The following MTIF3 variants were observed in gnomAD, a reference collection of about 807,000 sequenced individuals.
MTIF3 encodes mitochondrial translational initiation factor 3, also known as translation initiation factor IF-3, mitochondrial.
MTIF3 carries 13 observed loss-of-function variants against 20.7 expected under a neutral mutation model. The ratio of observed to expected loss-of-function variants is 0.63; its 90% CI spans 0.41 to 1.00. The LOEUF (loss-of-function observed/expected upper bound fraction) is 1.00, where lower values mean the gene tolerates loss of function less well. Among genes scored for constraint, MTIF3 ranks in the 50% least tolerant of loss-of-function variants. The pLI is 0.00. For synonymous variants in MTIF3, 114 were observed against 112.5 expected, an observed-to-expected ratio of 1.01 and a Z score of -0.08; for missense variants, 295 against 324.5, an observed-to-expected ratio of 0.91 and a Z score of 0.70.
chr13:27,443,170 A>G (rs376307550), intron 2 of MTIF3, among the ~76,000 whole-genome samples: 1 of 152,214 alleles, frequency 6.6e-6, no homozygotes, highest in African/African-American at 2.4e-5. Flanking sequence ...CTCCATCCAC[A>G]GTGTATGACA....
chr13:27,440,771 A>G (rs951462668), intron 2 of MTIF3, among the ~76,000 whole-genome samples: 6 of 150,604 alleles, frequency 4.0e-5, no homozygotes, highest in Admixed American at 1.3e-4. Flanking sequence ...TACTTAGTTG[A>G]CCCCTGAACA....
chr13:27,448,367 T>C (rs1954246672), intron 1 of MTIF3, among the ~76,000 whole-genome samples: 1 of 152,248 alleles, frequency 6.6e-6, no homozygotes, highest in Non-Finnish European at 1.5e-5. Flanking sequence ...TTGCCAATTC[T>C]CATGACTCTA....
chr13:27,437,201 T>A lies in MTIF3; in HGVS notation c.533A>T (p.Gln178Leu), dbSNP rs201303033. ...TTTTTTCTTAATCCACTGCTGAATC[T>A]GTTTAGTCTTTGTGTCCAAATCATG... ...GQHDLDTKTK[Q>L]IQQWIKKKHL... is the part of the protein sequence containing the mutation. Residue 178 changes from glutamine (Q) to leucine (L), a missense_variant, in exon 4 of 5, where the codon CAG (glutamine) becomes CTG (leucine). Transcript: ENST00000381120. 6.2e-7 allele frequency: 1 copy of A among 1,614,130 alleles called. No individual in the cohort carries two copies. The highest frequency in any genetic ancestry group is 2.2e-5 in the East Asian group (1 of 44,888).
At chr13:27,442,817 TA>T (rs977201420) in intron 2 of MTIF3, among the ~76,000 whole-genome samples, 1 of 152,238 alleles carries the variant, frequency 6.6e-6, no homozygotes, top group African/African-American at 2.4e-5. Context: ...CCTTGCCTTT[TA>T]AAAACTTTAC....
chr13:27,440,029 C>G lies in MTIF3; in HGVS notation c.420G>C (p.Arg140=), dbSNP rs1322329951. Residue 140 remains arginine (R), a synonymous_variant, in exon 3 of 5, where the codon CGG becomes CGC. Transcript: ENST00000381120. Reference sequence around the variant, plus strand: ...CCTTCTCCATCTCCCTCAGCCTCTGCCGCTCCTGGAGGATCTGCAATCCTG... The same window carrying G: ...CCTTCTCCATCTCCCTCAGCCTCTGGCGCTCCTGGAGGATCTGCAATCCTG... ...LMTGLQILQE[R]QRLREMEKAN... 2 of 1,614,204 alleles carry G rather than the reference C, an allele frequency of 1.2e-6. No individual in the cohort carries two copies. Among genetic ancestry groups the G allele is most frequent in the East Asian group, 4.5e-5 (2 of 44,886 alleles).
intron 4 of MTIF3, among the ~76,000 whole-genome samples, chr13:27,436,806 C>T (rs1438543095): frequency 3.9e-5 from 5 of 127,442 alleles, no homozygotes; most frequent in Non-Finnish European, 7.7e-5. Flanking sequence ...GGCTGGAGTG[C>T]AGTGGCGCGA....
rs1953943451 is a variant in MTIF3, at chr13:27,440,070, C to G, written c.379G>C (p.Glu127Gln). The change falls in exon 3 of 5, where the codon GAG (glutamate) becomes CAG (glutamine). Residue 127 changes from glutamate to glutamine, a missense_variant. Coordinates refer to ENST00000381120, the MANE Select transcript of MTIF3 (RefSeq NM_152912.5). ...TGCAATCCTGTCATGAGCTGATACT[C>G]TGCAGGTTCTGTGCTGGTGTTCCTT... ...VQRNTSTEPA[E>Q]YQLMTGLQIL... 3 of 1,614,132 alleles carry G rather than the reference C, an allele frequency of 1.9e-6. No homozygotes were observed. Among genetic ancestry groups the G allele is most frequent in the African/African-American group, 2.7e-5 (2 of 74,948 alleles).
At chr13:27,449,185 G>A (rs1164887584) in intron 1 of MTIF3, among the ~76,000 whole-genome samples, 1 of 151,996 alleles carries the variant, frequency 6.6e-6, no homozygotes, top group Non-Finnish European at 1.5e-5. Context: ...CACTTTCCCA[G>A]TCAACCCAAC....
rs904580594 is a variant in MTIF3 at position 27,445,088 on chromosome 13, C to CT, written c.-3dup. On this transcript the variant is annotated splice_region_variant and 5_prime_UTR_variant, in exon 2 of 5. Coordinates refer to ENST00000381120, the MANE Select transcript of MTIF3 (RefSeq NM_152912.5). ...AAAAAGAACTGAGCATTTATCCTAC[C>CT]TTTTTTAGGAAGAACTGTAATCATC... 6.6e-6 allele frequency: 1 copy of CT among 152,070 alleles called. No individual in the cohort carries two copies. Among genetic ancestry groups the CT allele is most frequent in the Non-Finnish European group, 1.5e-5 (1 of 68,028 alleles). 9.4% of individuals were successfully genotyped at this position (152,070 alleles called of 1,614,324 possible).
At chr13:27,447,524 A>G (rs1290788970) in intron 1 of MTIF3, among the ~76,000 whole-genome samples, 1 of 152,218 alleles carries the variant, frequency 6.6e-6, no homozygotes, top group Admixed American at 6.5e-5. Context: ...CTTAATGTCA[A>G]TTACTTATAA....
At chr13:27,437,095 G>A (rs1953799994) in intron 4 of MTIF3, 21 bp downstream of exon 4, 2 of 1,611,364 alleles carry the variant, frequency 1.2e-6, no homozygotes, top group African/African-American at 1.3e-5. Context: ...ACAAGCAGTG[G>A]CTTGTACCTT....
intron 1 of MTIF3, among the ~76,000 whole-genome samples, chr13:27,446,683 C>T (rs1954191200): frequency 6.6e-6 from 1 of 152,076 alleles, no homozygotes; most frequent in African/African-American, 2.4e-5. Context: ...AAAAAATATT[C>T]CCTTTATTCG....
intron 4 of MTIF3, among the ~76,000 whole-genome samples, chr13:27,436,745 A>AT (rs66903644): frequency 0.11 from 9,899 of 89,726 alleles, 1,398 homozygotes; most frequent in African/African-American, 0.28. Flanking sequence ...ATTTTCTACA[A>AT]TTTTTTTTTT....
chr13:27,436,901 G>A (rs975831262), intron 4 of MTIF3, among the ~76,000 whole-genome samples: 3 of 151,904 alleles, frequency 2.0e-5, no homozygotes, highest in Non-Finnish European at 4.4e-5. Flanking sequence ...ACAGGTGCCC[G>A]CCACCACGCC....
rs192100282 is a variant in MTIF3 at position 27,440,657 on chromosome 13, T to C, written c.-1-208A>G. 2.6e-4 allele frequency among the ~76,000 whole-genome samples: 39 copies of C among 152,130 alleles called. 1 individual carries two copies. Among genetic ancestry groups the C allele is most frequent in the Non-Finnish European group, 1.5e-5 (1 of 68,020 alleles). On this transcript the variant is annotated intron_variant, in intron 2 of 4. Coordinates refer to ENST00000381120, the MANE Select transcript of MTIF3 (RefSeq NM_152912.5). ...AGGTGACTCTGGCCAGACTAACTCATGGTGATACTGTCCCCAAGACAAGTG... is the reference window on the plus strand; with the variant it reads ...AGGTGACTCTGGCCAGACTAACTCACGGTGATACTGTCCCCAAGACAAGTG...
In MTIF3 at chr13:27,437,288, A is replaced by G. The variant is rs1953815587; in HGVS notation, c.461-15T>C. ...CAGGGTTGGTCCTGGTTTGAAACAG[A>G]TAGGGTGCAAGGACTACTGACTAGT... On this transcript the variant is annotated splice_polypyrimidine_tract_variant and intron_variant, in intron 3 of 4. Transcript: ENST00000381120. The G allele has an allele frequency of 6.2e-7, 1 of 1,612,038 alleles. No individual in the cohort carries two copies. The highest frequency in any genetic ancestry group is 8.5e-7 in the Non-Finnish European group (1 of 1,179,522).
chr13:27,437,140 AT>A lies in MTIF3; in HGVS notation c.593del (p.Asn198MetfsTer2). On this transcript the variant is annotated frameshift_variant, in exon 4 of 5. Transcript: ENST00000381120. LOFTEE classifies it low-confidence loss of function (END_TRUNC). Reference sequence around the variant, plus strand: ...CCATTTCATTTTCTGACACGTCTACATTTTTTCCTTTCTTTATGGTAATCTG... The same window carrying A: ...CCATTTCATTTTCTGACACGTCTACATTTTTCCTTTCTTTATGGTAATCTG... ...LVQITIKKGK[N>X]VDVSENEMEE... 6.2e-7 allele frequency: 1 copy of A among 1,613,570 alleles called. No individual in the cohort carries two copies. Among genetic ancestry groups the A allele is most frequent in the Non-Finnish European group, 8.5e-7 (1 of 1,179,830 alleles).
intron 2 of MTIF3, among the ~76,000 whole-genome samples, chr13:27,443,910 C>G (rs1954085951): frequency 6.6e-6 from 1 of 151,524 alleles, no homozygotes. Context: ...ATTTTATTTA[C>G]AAAATAAAGA....
rs191729623 is a variant in MTIF3 at position 27,435,884 on chromosome 13, A to C, written c.628T>G (p.Phe210Val). 3.7e-6 allele frequency: 6 copies of C among 1,610,566 alleles called. No homozygotes were observed. The Admixed American group carries it at 1.0e-4, about 27-fold the overall frequency. ...GGCATAGTCTGGAGTATTTGATGAA[A>C]TATCTCCTCCTAAAAAAGGGAAACA... ...DVSENEMEEI[F>V]HQILQTMPGI... The change falls in exon 5 of 5, where the codon TTT becomes GTT. Residue 210 changes from phenylalanine to valine, a missense_variant. Phe to Val is a conservative substitution (Grantham distance 50). Transcript: ENST00000381120.
Sources: gnomAD v4.1 joint callset for allele counts (sites outside exome capture counted in the v4.1 genomes callset) on GRCh38, gnomAD v4.1.1 for gene constraint, MANE v1.5 for transcripts, NCBI Gene and HGNC (gene_info 2026-07-23, HGNC 2026-07-21) for gene names.